Variants in MEP1A observed in about 807,000 individuals in gnomAD.
MEP1A encodes meprin A subunit alpha.
Under a neutral mutation model 84.5 loss-of-function variants are expected in MEP1A, and 68 were observed. The ratio of observed to expected loss-of-function variants is 0.80; its 90% confidence interval spans 0.66 to 0.98. The LOEUF is 0.98. Among genes scored for constraint, MEP1A ranks in the 50% least tolerant of loss-of-function variants. MEP1A has a pLI of 0.00. For missense variants in MEP1A, 887 were observed against 919.9 expected (o/e 0.96, Z 0.46); for synonymous variants, 337 against 336.8 (o/e 1.00, Z -0.01).
rs1395559272 is a variant in MEP1A at position 46,809,810 on chromosome 6, G to GTA, written c.380+274_380+275insAT. On this transcript the variant is annotated intron_variant, in intron 6 of 13. Coordinates refer to ENST00000230588, the MANE Select transcript of MEP1A (RefSeq NM_005588.3). ...GAGTAGTAATACATGGTGTGTGTGT[G>GTA]TGTATATATATATATATTTTACATA... Among the ~76,000 whole-genome samples, 602 of 149,800 alleles carry GTA rather than the reference G, an allele frequency of 4.0e-3. 8 individuals carry two copies. The highest frequency in any genetic ancestry group is 0.014 in the African/African-American group (579 of 40,386).
chr6:46,824,889 T>A (rs1274714467), intron 7 of MEP1A, among the ~76,000 whole-genome samples: 1 of 57,554 alleles, frequency 1.7e-5, no homozygotes, highest in Non-Finnish European at 2.7e-5. Flanking sequence ...TAAATATATA[T>A]AAATTATATA....
At chr6:46,807,576 G>T (rs1198868870) in intron 5 of MEP1A, among the ~76,000 whole-genome samples, 7 of 64,582 alleles carry the variant, frequency 1.1e-4, no homozygotes, top group Non-Finnish European at 1.5e-4. Flanking sequence ...AAGGAAGGAA[G>T]GAAGGAAGGA....
intron 6 of MEP1A, among the ~76,000 whole-genome samples, chr6:46,818,469 C>A (rs1364229264): frequency 6.6e-6 from 1 of 152,006 alleles, no homozygotes; most frequent in East Asian, 1.9e-4. Flanking sequence ...CTTCATTTGA[C>A]AATTTAAAGC....
chr6:46,821,603 T>A (rs565018090), intron 7 of MEP1A, among the ~76,000 whole-genome samples: 1 of 152,220 alleles, frequency 6.6e-6, no homozygotes, highest in Non-Finnish European at 1.5e-5. Flanking sequence ...TTCCTGTACA[T>A]ATACTGGGCT....
chr6:46,841,889 C>T (rs560511380), downstream of MEP1A, among the ~76,000 whole-genome samples: 30 of 152,252 alleles, frequency 2.0e-4, no homozygotes, highest in African/African-American at 5.8e-4. Context: ...ACCATTGTTG[C>T]GGGAAGTCAG....
chr6:46,821,299 C>T (rs1767770424), intron 7 of MEP1A, among the ~76,000 whole-genome samples: 1 of 152,130 alleles, frequency 6.6e-6, no homozygotes. Context: ...AGCTTTGAGC[C>T]TAACCACATA....
In MEP1A at chr6:46,835,347, G is replaced by T; in HGVS notation, c.1882G>T (p.Glu628Ter). Residue 628 changes from glutamate to a stop codon, truncating the protein, a stop_gained, in exon 13 of 14, where the codon GAA becomes TAA. Coordinates refer to ENST00000230588, the MANE Select transcript of MEP1A (RefSeq NM_005588.3). LOFTEE classifies it high-confidence loss of function. ...LQGQEQQVSE[E>*]GSGKAMLEEA... Reference sequence around the variant, plus strand: ...AGGCCAGGAGCAGCAGGTCTCCGAAGAAGGTTCGGGAAAGGCCATGTTAGA... The same window carrying T: ...AGGCCAGGAGCAGCAGGTCTCCGAATAAGGTTCGGGAAAGGCCATGTTAGA... 2 of 1,610,814 alleles carry T rather than the reference G, an allele frequency of 1.2e-6. No individual in the cohort carries two copies. The highest frequency in any genetic ancestry group is 1.7e-6 in the Non-Finnish European group (2 of 1,178,584).
intron 8 of MEP1A, among the ~76,000 whole-genome samples, chr6:46,826,076 C>A (rs2150753190): frequency 6.6e-6 from 1 of 152,206 alleles, no homozygotes; most frequent in South Asian, 2.1e-4. Flanking sequence ...TTATAGGTAT[C>A]TTGTTCTTGA....
chr6:46,797,792 CTCTTTCTTTCTTTCTT>C (rs552272095), intron 3 of MEP1A, among the ~76,000 whole-genome samples: 14,641 of 136,612 alleles, frequency 0.11, 936 homozygotes, highest in Non-Finnish European at 0.13. Flanking sequence ...TTCTTTCTTT[CTCTTTCTTTCTTTCTT>C]TCTTTCTTTC....
rs76849793 is a variant in MEP1A at position 46,839,449 on chromosome 6, C to T, written c.*313C>T. 6.0e-4 allele frequency: 114 copies of T among 190,640 alleles called. No individual in the cohort carries two copies. The highest frequency in any genetic ancestry group is 2.0e-3 in the East Asian group (16 of 8,114). 11.8% of individuals were successfully genotyped at this position (190,640 alleles called of 1,614,324 possible). A position where few individuals can be genotyped will look rare whatever the true frequency, so the allele number is the denominator to read the frequency against. On this transcript the variant is annotated 3_prime_UTR_variant, in exon 14 of 14. Coordinates refer to ENST00000230588, the MANE Select transcript of MEP1A (RefSeq NM_005588.3). The stretch of plus-strand genomic sequence containing the variant: ...GCAGGCACATGTTGTTCTCATTGAC[C>T]GTGCTGGCCCCAGTGCCTAGATGCA...
chr6:46,797,798 CTTTCTT>C (rs1767082478), intron 3 of MEP1A, among the ~76,000 whole-genome samples: 1,082 of 26,438 alleles, frequency 0.041, 24 homozygotes, highest in African/African-American at 0.12. Flanking sequence ...CTTTCTCTTT[CTTTCTT>C]TCTTTCTTTC....
At chr6:46,804,818 T>C (rs1767276988) in intron 5 of MEP1A, among the ~76,000 whole-genome samples, 1 of 151,844 alleles carries the variant, frequency 6.6e-6, no homozygotes. Flanking sequence ...AGTTCTGTTA[T>C]GGCCCTTCCA....
In MEP1A at chr6:46,798,622, C is replaced by T; in HGVS notation, c.162C>T (p.Leu54=). The change falls in exon 4 of 14, where the codon CTC becomes CTT. Residue 54 remains leucine, a synonymous_variant. Coordinates refer to ENST00000230588, the MANE Select transcript of MEP1A (RefSeq NM_005588.3). The part of the protein sequence containing the change: ...SEINLAAGLD[L]FQGDILLQKS... Reference sequence around the variant, plus strand: ...CACTTCCAGCTGCAGGCTTGGACCTCTTTCAAGGGGACATCCTCTTGCAGG... The same window carrying T: ...CACTTCCAGCTGCAGGCTTGGACCTTTTTCAAGGGGACATCCTCTTGCAGG... 1 of 1,614,042 alleles carries T rather than the reference C, an allele frequency of 6.2e-7. No individual in the cohort carries two copies. The highest frequency in any genetic ancestry group is 8.5e-7 in the Non-Finnish European group (1 of 1,179,958).
At chr6:46,807,844 A>AAAGAAAGG (rs1562107201) in intron 5 of MEP1A, among the ~76,000 whole-genome samples, 3 of 146,130 alleles carry the variant, frequency 2.1e-5, no homozygotes, top group Admixed American at 6.9e-5. Context: ...AGAAAGGAAG[A>AAAGAAAGG]AAGGAAATAA....
chr6:46,799,033 G>A (rs1000023118), intron 4 of MEP1A, 73 bp from the exon 5 acceptor site: 1 of 902,658 alleles, frequency 1.1e-6, no homozygotes, highest in Non-Finnish European at 1.9e-6. Context: ...CTCTGTGAGA[G>A]TTTAGTGAAG....
At chr6:46,806,351 A>T (rs1767318608) in intron 5 of MEP1A, among the ~76,000 whole-genome samples, 2 of 152,072 alleles carry the variant, frequency 1.3e-5, no homozygotes, top group African/African-American at 4.8e-5. Flanking sequence ...AATTTTTGTT[A>T]GAGCAGTTAA....
In MEP1A at chr6:46,825,271, G is replaced by A; in HGVS notation, c.557-1G>A. ...GGACCTGTGGATTCTCTCCCTAACA[G>A]GTTACCAGCACAACTTTGACACCTA... On this transcript the variant is annotated splice_acceptor_variant, in intron 7 of 13. Transcript: ENST00000230588. LOFTEE classifies it high-confidence loss of function. 1 of 1,606,076 alleles carries A rather than the reference G, an allele frequency of 6.2e-7. No individual in the cohort carries two copies. The highest frequency in any genetic ancestry group is 8.5e-7 in the Non-Finnish European group (1 of 1,174,430).
At chr6:46,832,402 G>A (rs145890933) in intron 10 of MEP1A, among the ~76,000 whole-genome samples, 4 of 152,200 alleles carry the variant, frequency 2.6e-5, no homozygotes, top group South Asian at 2.1e-4. Context: ...CTCTTAATTC[G>A]AAAGTCCCAC....
In MEP1A at chr6:46,793,701, T is replaced by C. The variant is rs768987892; in HGVS notation, c.130T>C (p.Ser44Pro). Residue 44 changes from serine to proline, a missense_variant, in exon 3 of 14, where the codon TCA (serine) becomes CCA (proline). Coordinates refer to ENST00000230588, the MANE Select transcript of MEP1A (RefSeq NM_005588.3). ...AGATTTTGGTGAACAGAAGGATATT[T>C]CAGAAATCAATTTAGGTGAGTTCAA... ...DADFGEQKDI[S>P]EINLAAGLDL... The C allele has an allele frequency of 6.8e-6, 11 of 1,609,484 alleles. No individual in the cohort carries two copies. Among genetic ancestry groups the C allele is most frequent in the Non-Finnish European group, 8.5e-6 (10 of 1,176,410 alleles).
Sources: gnomAD v4.1 joint callset for allele counts (sites outside exome capture counted in the v4.1 genomes callset) on GRCh38, gnomAD v4.1.1 for gene constraint, MANE v1.5 for transcripts, NCBI Gene and HGNC (gene_info 2026-07-23, HGNC 2026-07-21) for gene names.